The following LRP1B variants were observed in gnomAD, a reference collection of about 807,000 sequenced individuals.
LRP1B encodes low-density lipoprotein receptor-related protein 1B.
Under a neutral mutation model 556.6 loss-of-function variants are expected in LRP1B, and 217 were observed. That is an observed-to-expected ratio of 0.39 (90% CI 0.35 to 0.44). The LOEUF is 0.44. Ranked by LOEUF, LRP1B falls within the 20% of genes least tolerant of loss-of-function variation. The pLI, the probability that LRP1B is intolerant of heterozygous loss-of-function variation, is 1.00. For synonymous variants in LRP1B, 2,047 were observed against 1,865.8 expected (o/e 1.10, Z -2.50); for missense variants, 5,053 against 5,620.8 (o/e 0.90, Z 3.23).
At chr2:141,817,169 A>C (rs1696586602) in intron 1 of LRP1B, among the ~76,000 whole-genome samples, 1 of 152,144 alleles carries the variant, frequency 6.6e-6, no homozygotes, top group Non-Finnish European at 1.5e-5. Context: ...GCTTCATCCC[A>C]CACTTCTGAG....
chr2:140,943,710 C>G (rs1042956036), intron 20 of LRP1B, among the ~76,000 whole-genome samples: 1 of 151,956 alleles, frequency 6.6e-6, no homozygotes, highest in African/African-American at 2.4e-5. Flanking sequence ...TTAAAAACTT[C>G]TTTGAAACAG....
chr2:140,751,005 T>A (rs1393416178), intron 35 of LRP1B, among the ~76,000 whole-genome samples: 1 of 149,350 alleles, frequency 6.7e-6, no homozygotes, highest in African/African-American at 2.5e-5. Context: ...TTTTTTTTTT[T>A]TTTTGAGATG....
intron 2 of LRP1B, among the ~76,000 whole-genome samples, chr2:141,660,009 T>C (rs1376991814): frequency 6.6e-6 from 1 of 151,384 alleles, no homozygotes. Context: ...AAAATCCCAT[T>C]AAGAATGTTT....
chr2:141,095,363 TGTGA>T (rs1446306343), intron 7 of LRP1B, among the ~76,000 whole-genome samples: 1 of 148,194 alleles, frequency 6.7e-6, no homozygotes, highest in Non-Finnish European at 1.5e-5. Context: ...AGAGAAACAA[TGTGA>T]GTTACCAAAA....
At chr2:140,750,475 C>T (rs955516575) in intron 35 of LRP1B, among the ~76,000 whole-genome samples, 1 of 152,096 alleles carries the variant, frequency 6.6e-6, no homozygotes, top group Non-Finnish European at 1.5e-5. Context: ...TATGTGCAAA[C>T]ATATGTGTGC....
chr2:141,617,585 A>C (rs890470211), intron 2 of LRP1B, among the ~76,000 whole-genome samples: 3 of 152,184 alleles, frequency 2.0e-5, no homozygotes, highest in Non-Finnish European at 4.4e-5. Context: ...GTCTTTTCTC[A>C]TAAGATTGTG....
chr2:141,773,072 T>G (rs1440796515), intron 2 of LRP1B, among the ~76,000 whole-genome samples: 1 of 152,188 alleles, frequency 6.6e-6, no homozygotes, highest in Admixed American at 6.5e-5. Context: ...TTAAGATTTT[T>G]CCCCAGATAA....
chr2:141,161,764 T>C (rs941766091), intron 7 of LRP1B, among the ~76,000 whole-genome samples: 18 of 152,080 alleles, frequency 1.2e-4, no homozygotes, highest in African/African-American at 3.6e-4. Context: ...CATTAGGAGA[T>C]GGGTGATTCT....
chr2:140,850,399 A>G (rs916860333), intron 28 of LRP1B, 70 bp from the exon 29 acceptor site: 38 of 871,936 alleles, frequency 4.4e-5, no homozygotes, highest in Non-Finnish European at 6.5e-5. Context: ...ATTCTAAAAT[A>G]TTACTTGATT....
At chr2:141,454,060 C>A (rs1347444010) in intron 3 of LRP1B, among the ~76,000 whole-genome samples, 1 of 152,164 alleles carries the variant, frequency 6.6e-6, no homozygotes, top group Admixed American at 6.5e-5. Context: ...CTTATGCCAA[C>A]CTTGCCCCCA....
At chr2:140,316,176 A>G (rs1481493106) in intron 82 of LRP1B, among the ~76,000 whole-genome samples, 3 of 152,164 alleles carry the variant, frequency 2.0e-5, no homozygotes, top group Non-Finnish European at 4.4e-5. Context: ...AGAGTGTTCA[A>G]TGGAACAAAA....
chr2:141,516,680 GTCTC>G (rs202000992), intron 2 of LRP1B, among the ~76,000 whole-genome samples: 1 of 125,718 alleles, frequency 8.0e-6, no homozygotes, highest in African/African-American at 3.0e-5. Context: ...GCAAGACCCT[GTCTC>G]TCTCTCTCTT....
At chr2:140,714,292 C>A in intron 37 of LRP1B, among the ~76,000 whole-genome samples, 2 of 152,150 alleles carry the variant, frequency 1.3e-5, no homozygotes, top group East Asian at 3.9e-4. Flanking sequence ...ACTCAATAAA[C>A]GTTAATTGAA....
At chr2:141,390,335 G>T (rs1690003170) in intron 3 of LRP1B, among the ~76,000 whole-genome samples, 1 of 152,092 alleles carries the variant, frequency 6.6e-6, no homozygotes, top group African/African-American at 2.4e-5. Context: ...TGGAAATCTT[G>T]TACACTGCTG....
intron 77 of LRP1B, among the ~76,000 whole-genome samples, chr2:140,341,241 G>GA (rs1297876061): frequency 6.6e-6 from 1 of 151,602 alleles, no homozygotes; most frequent in African/African-American, 2.4e-5. Context: ...AGGAAATGCT[G>GA]AGTTTCGTAG....
chr2:141,755,033 G>A (rs1694267084), intron 2 of LRP1B, among the ~76,000 whole-genome samples: 2 of 151,928 alleles, frequency 1.3e-5, no homozygotes, highest in African/African-American at 4.8e-5. Flanking sequence ...GCAGAGGGTA[G>A]GTAAACTGTC....
At position 140,325,745 on chromosome 2, in the gene LRP1B, A is replaced by C. The variant is rs372784236; in HGVS notation, c.12340+17T>G. 1.3e-6 allele frequency: 2 copies of C among 1,527,382 alleles called. No homozygotes were observed. The highest frequency in any genetic ancestry group is 2.7e-5 in the African/African-American group (2 of 72,928). 94.6% of individuals were successfully genotyped at this position (1,527,382 alleles called of 1,614,324 possible). On this transcript the variant is annotated intron_variant, in intron 80 of 90. Transcript: ENST00000389484. The stretch of plus-strand genomic sequence containing the variant: ...CTCAGTAACAATTAAAAATGAAGAC[A>C]AAAGCACTTCACAAACCTTGTTTGC...
At chr2:142,042,001 A>T (rs1704082992) in intron 1 of LRP1B, among the ~76,000 whole-genome samples, 1 of 151,510 alleles carries the variant, frequency 6.6e-6, no homozygotes, top group Non-Finnish European at 1.5e-5. Flanking sequence ...AAAATTAAAT[A>T]AGTTTTAAAT....
intron 3 of LRP1B, among the ~76,000 whole-genome samples, chr2:141,391,611 TAC>T (rs1375231363): frequency 2.0e-5 from 3 of 151,816 alleles, no homozygotes; most frequent in Middle Eastern, 3.2e-3. Context: ...AACAGTTTTA[TAC>T]AAAAAAAAAT....
Sources: gnomAD v4.1 joint callset for allele counts (sites outside exome capture counted in the v4.1 genomes callset) on GRCh38, gnomAD v4.1.1 for gene constraint, MANE v1.5 for transcripts, NCBI Gene and HGNC (gene_info 2026-07-23, HGNC 2026-07-21) for gene names.